The following KIF11 variants were observed in gnomAD, a reference collection of about 807,000 sequenced individuals.
KIF11 encodes the protein kinesin-like protein KIF11.
In KIF11, 9 loss-of-function variants were observed where a neutral mutation model predicts 121.0. The observed-to-expected ratio is 0.07, with a 90% CI of 0.04 to 0.13. The LOEUF (loss-of-function observed/expected upper bound fraction) is 0.13, where lower values mean the gene tolerates loss of function less well. Ranked by LOEUF, KIF11 falls within the 10% of genes least tolerant of loss-of-function variation. KIF11 has a pLI of 1.00. For synonymous variants in KIF11, 408 were observed against 421.0 expected, an observed-to-expected ratio of 0.97 and a Z score of 0.38; for missense variants, 846 against 1,217.5, an observed-to-expected ratio of 0.69 and a Z score of 4.54.
Position 92,651,507 on chromosome 10 carries a change from G to GTTTTTTTTTTTTTTTTT in KIF11, c.3039+1015_3039+1031dup, listed in dbSNP as rs1175303233. Among the ~76,000 whole-genome samples, 13 of 52,974 alleles carry GTTTTTTTTTTTTTTTTT rather than the reference G, an allele frequency of 2.5e-4. 4 individuals are homozygous for GTTTTTTTTTTTTTTTTT. Among genetic ancestry groups the GTTTTTTTTTTTTTTTTT allele is most frequent in the Non-Finnish European group, 2.9e-4 (7 of 23,900 alleles). 34.8% of individuals were successfully genotyped at this position (52,974 alleles called of 152,430 possible). A position where few individuals can be genotyped will look rare whatever the true frequency, so the allele number is the denominator to read the frequency against. Reference sequence around the variant, plus strand: ...TGTGCCACCATGCCTGGCTAATTTTGTTTTTTTTTTTTTTTTTTTTTTTTT... The same window carrying GTTTTTTTTTTTTTTTTT: ...TGTGCCACCATGCCTGGCTAATTTTGTTTTTTTTTTTTTTTTTTTTTTTTTTTTTTTTTTTTTTTTTT... On this transcript the variant is annotated intron_variant, in intron 21 of 21. Coordinates refer to ENST00000260731, the MANE Select transcript of KIF11 (RefSeq NM_004523.4).
intron 18 of KIF11, among the ~76,000 whole-genome samples, chr10:92,646,451 AC>A (rs1189501224): frequency 6.6e-6 from 1 of 152,180 alleles, no homozygotes; most frequent in Non-Finnish European, 1.5e-5. Context: ...GGAAGTAGGT[AC>A]AAAGAATTAA....
chr10:92,632,202 G>C (rs1844745666), intron 12 of KIF11, among the ~76,000 whole-genome samples: 1 of 151,270 alleles, frequency 6.6e-6, no homozygotes, highest in Admixed American at 6.6e-5. Context: ...GTCTCTCTCT[G>C]TCACCCCGGC....
intron 8 of KIF11, among the ~76,000 whole-genome samples, 181 bp from the exon 9 acceptor site, chr10:92,616,556 G>GA (rs1054715990): frequency 4.6e-5 from 7 of 151,898 alleles, no homozygotes; most frequent in African/African-American, 1.2e-4. Context: ...GAAGAGAAGG[G>GA]AAAAAAGGAT....
chr10:92,648,393 A>C lies in KIF11; in HGVS notation c.2729A>C (p.Asn910Thr). The change falls in exon 19 of 22, where the codon AAT becomes ACT. Residue 910 changes from asparagine (N) to threonine (T), a missense_variant. Physicochemically the swap from Asn to Thr is moderately conservative, Grantham distance 65. Coordinates refer to ENST00000260731, the MANE Select transcript of KIF11 (RefSeq NM_004523.4). Reference sequence around the variant, plus strand: ...ATAAAAATTGGTTTGACTAAGCTTAATTGCTTTCTGGAACAGGATCTGAAA... The same window carrying C: ...ATAAAAATTGGTTTGACTAAGCTTACTTGCTTTCTGGAACAGGATCTGAAA... The part of the protein sequence containing the change: ...ETIKIGLTKL[N>T]CFLEQDLKLD... The C allele has an allele frequency of 6.2e-7, 1 of 1,611,026 alleles. No individual in the cohort carries two copies. Among genetic ancestry groups the C allele is most frequent in the Non-Finnish European group, 8.5e-7 (1 of 1,178,522 alleles).
chr10:92,593,269 C>T lies in KIF11; in HGVS notation c.-107C>T. On this transcript the variant is annotated 5_prime_UTR_variant, in exon 1 of 22. Transcript: ENST00000260731. ...GTCGGTCCTCCAGGCCACGCCAGCG[C>T]CCGAGAGGGACCAGGGAGACTCCGG... is the stretch of plus-strand genomic sequence containing the variant. The T allele has an allele frequency of 1.7e-6, 2 of 1,172,190 alleles. No homozygotes were observed. Among genetic ancestry groups the T allele is most frequent in the South Asian group, 1.5e-5 (1 of 67,576 alleles). 72.6% of individuals were successfully genotyped at this position (1,172,190 alleles called of 1,614,324 possible). A position where few individuals can be genotyped will look rare whatever the true frequency, so the allele number is the denominator to read the frequency against.
In KIF11 at chr10:92,653,853, A is replaced by G. The variant is rs889611291; in HGVS notation, c.*57A>G. On this transcript the variant is annotated 3_prime_UTR_variant, in exon 22 of 22. Coordinates refer to ENST00000260731, the MANE Select transcript of KIF11 (RefSeq NM_004523.4). ...AGAAAACTTAAAAATAAAACCTGAAACCCCAGAACTTGAGCCTTGTGTATA... is the reference window on the plus strand; with the variant it reads ...AGAAAACTTAAAAATAAAACCTGAAGCCCCAGAACTTGAGCCTTGTGTATA... 1 of 1,476,178 alleles carries G rather than the reference A, an allele frequency of 6.8e-7. No individual in the cohort carries two copies. The highest frequency in any genetic ancestry group is 1.4e-5 in the African/African-American group (1 of 70,520). The allele number at this position is 1,476,178 out of a possible 1,614,324, so 91.4% of individuals were successfully genotyped here.
chr10:92,602,830 G>GACACA (rs1844387130), intron 1 of KIF11, among the ~76,000 whole-genome samples: 2 of 85,716 alleles, frequency 2.3e-5, no homozygotes, highest in African/African-American at 2.1e-4. Flanking sequence ...ACACACGTGT[G>GACACA]TGTGTGTGTG....
intron 12 of KIF11, among the ~76,000 whole-genome samples, chr10:92,632,050 C>T (rs1252050991): frequency 6.6e-6 from 1 of 152,080 alleles, no homozygotes; most frequent in Non-Finnish European, 1.5e-5. Context: ...ATTGCAATAA[C>T]TGAAAAAATC....
intron 9 of KIF11, among the ~76,000 whole-genome samples, chr10:92,617,692 C>T (rs759809972): frequency 1.3e-5 from 2 of 151,904 alleles, no homozygotes; most frequent in Admixed American, 6.6e-5. Flanking sequence ...TAATTTTAAC[C>T]ATTCTAAGGA....
At chr10:92,621,687 A>G (rs1488864362) in intron 10 of KIF11, among the ~76,000 whole-genome samples, 1 of 151,924 alleles carries the variant, frequency 6.6e-6, no homozygotes. Flanking sequence ...CTACGTCCTC[A>G]GTCTCCTGGG....
chr10:92,594,196 G>T (rs1359154335), intron 1 of KIF11, among the ~76,000 whole-genome samples: 1 of 152,160 alleles, frequency 6.6e-6, no homozygotes, highest in African/African-American at 2.4e-5. Flanking sequence ...TTGTGTGTCC[G>T]TTTTTGTGGC....
intron 1 of KIF11, among the ~76,000 whole-genome samples, chr10:92,595,153 G>A (rs1051041512): frequency 6.6e-6 from 1 of 152,170 alleles, no homozygotes; most frequent in African/African-American, 2.4e-5. Flanking sequence ...TCCGCCTCCC[G>A]GATTCAAGCA....
chr10:92,629,165 G>A (rs1355239129), intron 11 of KIF11, among the ~76,000 whole-genome samples: 1 of 151,646 alleles, frequency 6.6e-6, no homozygotes, highest in Admixed American at 6.6e-5. Flanking sequence ...TGTATTTTTA[G>A]TAGAGACAGG....
In KIF11 at chr10:92,607,211, C is replaced by A. The variant is rs764931049; in HGVS notation, c.361C>A (p.Pro121Thr). The A allele has an allele frequency of 2.1e-5, 33 of 1,605,978 alleles. No individual in the cohort carries two copies. The highest frequency in any genetic ancestry group is 1.6e-5 in the Non-Finnish European group (19 of 1,173,566). Reference sequence around the variant, plus strand: ...TTTTACAATGGAAGGTGAAAGGTCACCTAATGAAGAGTATACCTGGGAAGA... The same window carrying A: ...TTTTACAATGGAAGGTGAAAGGTCAACTAATGAAGAGTATACCTGGGAAGA... ...KTFTMEGERS[P>T]NEEYTWEEDP... is the part of the protein sequence containing the mutation. Residue 121 changes from proline to threonine, a missense_variant, in exon 4 of 22, where the codon CCT becomes ACT. Transcript: ENST00000260731.
At chr10:92,593,938 A>C (rs1348416940) in intron 1 of KIF11, among the ~76,000 whole-genome samples, 1 of 152,222 alleles carries the variant, frequency 6.6e-6, no homozygotes, top group Non-Finnish European at 1.5e-5. Flanking sequence ...TTTTTAAAAG[A>C]TCAAGACAAG....
At chr10:92,607,063 C>A in intron 3 of KIF11, 96 bp from the exon 4 acceptor site, 2 of 730,254 alleles carry the variant, frequency 2.7e-6, no homozygotes, top group Non-Finnish European at 4.7e-6. Context: ...AGGCTTGAGC[C>A]ACTGTGCCTG....
In KIF11 at chr10:92,613,348, A is replaced by G; in HGVS notation, c.790-29A>G. 1.3e-6 allele frequency: 2 copies of G among 1,493,312 alleles called. No individual in the cohort carries two copies. Among genetic ancestry groups the G allele is most frequent in the Non-Finnish European group, 1.8e-6 (2 of 1,101,996 alleles). 92.5% of individuals were successfully genotyped at this position (1,493,312 alleles called of 1,614,324 possible). On this transcript the variant is annotated intron_variant, in intron 7 of 21. Transcript: ENST00000260731. The surrounding 1 kb of genome is among the most constrained non-coding windows in gnomAD (Gnocchi z 4.2). Reference sequence around the variant, plus strand: ...CTTTGAATCCAAATCCAATAGACTCACTTTTTATTTTTATTTTTAAAATTA... The same window carrying G: ...CTTTGAATCCAAATCCAATAGACTCGCTTTTTATTTTTATTTTTAAAATTA...
At chr10:92,594,820 G>A (rs1844274378) in intron 1 of KIF11, among the ~76,000 whole-genome samples, 1 of 152,044 alleles carries the variant, frequency 6.6e-6, no homozygotes, top group African/African-American at 2.4e-5. Context: ...CCAATGAATA[G>A]AATAGTTCTT....
intron 10 of KIF11, among the ~76,000 whole-genome samples, chr10:92,627,920 G>C (rs1001995405): frequency 1.3e-5 from 2 of 152,060 alleles, no homozygotes; most frequent in Non-Finnish European, 2.9e-5. Flanking sequence ...CCATCATTTT[G>C]TATGTAGATT....
Sources: allele counts gnomAD v4.1 joint callset (sites outside exome capture counted in the v4.1 genomes callset), GRCh38; gene constraint gnomAD v4.1.1; non-coding constraint Gnocchi (gnomAD v3.1); transcripts MANE v1.5; gene names NCBI Gene and HGNC (gene_info 2026-07-23, HGNC 2026-07-21).